The following ALDH3B2 variants were observed in gnomAD, a reference collection of about 807,000 sequenced individuals.
ALDH3B2 encodes aldehyde dehydrogenase family 3 member B2.
Under a neutral mutation model 36.7 loss-of-function variants are expected in ALDH3B2, and 45 were observed. That is an observed-to-expected ratio of 1.23 (90% CI 0.97 to 1.57). The LOEUF (loss-of-function observed/expected upper bound fraction) is 1.57, where lower values mean the gene tolerates loss of function less well. ALDH3B2 is among the 40% of genes most tolerant of loss of function. The probability of loss-of-function intolerance (pLI) is 0.00; values close to 1 mark genes in which losing one functional copy is unlikely to be tolerated. For missense variants in ALDH3B2, 464 were observed against 513.3 expected (o/e 0.90, Z 0.93); for synonymous variants, 217 against 226.5 (o/e 0.96, Z 0.38).
upstream of ALDH3B2, among the ~76,000 whole-genome samples, chr11:67,677,864 AC>A (rs1191715741): frequency 2.0e-5 from 3 of 152,310 alleles, no homozygotes; most frequent in Middle Eastern, 3.4e-3. Flanking sequence ...TAGCAAAAAA[AC>A]AAACAAAAAA....
At position 67,666,380 on chromosome 11, in the gene ALDH3B2, G is replaced by A. The variant is rs775996068; in HGVS notation, c.173C>T (p.Pro58Leu). The A allele has an allele frequency of 8.7e-6, 14 of 1,606,322 alleles. 1 individual carries two copies. In the Admixed American group the frequency reaches 1.0e-4, roughly 12 times the overall value. The change falls in exon 5 of 10, where the codon CCG becomes CTG. Residue 58 changes from proline to leucine, a missense_variant. By Grantham distance (98) the Pro-to-Leu change is moderately conservative. Transcript: ENST00000349015. ...CTCTGTGCCCTGGCTGATTTCTGAC[G>A]GCTTCAGCACCACGCAACTCCCTGC... is the stretch of plus-strand genomic sequence containing the variant.
chr11:67,663,801 T>G, intron 8 of ALDH3B2, 40 bp from the exon 9 acceptor site: 1 of 1,561,338 alleles, frequency 6.4e-7, no homozygotes. Context: ...GCTCTAGTCA[T>G]GAGAAGAGGG....
At chr11:67,678,147 C>T (rs1267710506), upstream of ALDH3B2, among the ~76,000 whole-genome samples, 1 of 152,068 alleles carries the variant, frequency 6.6e-6, no homozygotes, top group East Asian at 1.9e-4. Context: ...AAAAAAGAGC[C>T]CGCACAGCAA....
At chr11:67,677,581 ATAT>A (rs1316255811), upstream of ALDH3B2, among the ~76,000 whole-genome samples, 1 of 152,186 alleles carries the variant, frequency 6.6e-6, no homozygotes, top group East Asian at 1.9e-4. Flanking sequence ...CCTCTTCAAC[ATAT>A]TACTGGCAGT....
chr11:67,670,137 T>G, intron 1 of ALDH3B2, among the ~76,000 whole-genome samples: 1 of 87,208 alleles, frequency 1.1e-5, no homozygotes, highest in Non-Finnish European at 2.4e-5. Flanking sequence ...TGTGTATGGG[T>G]GTCTGTGTGT....
intron 6 of ALDH3B2, 120 bp from the exon 7 acceptor site, chr11:67,665,791 G>C: frequency 1.4e-6 from 2 of 1,420,406 alleles, no homozygotes; most frequent in Non-Finnish European, 1.9e-6. Flanking sequence ...TAGGGACATG[G>C]TGAGGAGACC....
Position 67,662,985 on chromosome 11 carries a change from G to C in ALDH3B2, c.*230C>G. The C allele has an allele frequency of 7.1e-6, 4 of 560,374 alleles. 1 individual carries two copies. In the South Asian group the frequency reaches 9.3e-5, roughly 13 times the overall value. The allele number at this position is 560,374 out of a possible 1,614,324, so 34.7% of individuals were successfully genotyped here. The stretch of plus-strand genomic sequence containing the variant: ...AATTGGGGAGGGTGGGGTGAGTGAG[G>C]ACACCTGGCATGTTCTGCGGCCTCT... On this transcript the variant is annotated 3_prime_UTR_variant, in exon 10 of 10. Transcript: ENST00000349015.
chr11:67,663,079 G>T, exon 10 of ALDH3B2: 1 of 1,069,026 alleles, frequency 9.4e-7, no homozygotes, highest in South Asian at 1.5e-5. Context: ...CAGGCAGGAT[G>T]CAGTCATGTG....
exon 10 of ALDH3B2, chr11:67,663,348 GAGA>G (rs1855803467): frequency 1.2e-6 from 2 of 1,614,100 alleles, no homozygotes; most frequent in Admixed American, 1.7e-5. Flanking sequence ...GCGGTGGTGG[GAGA>G]AGGTGTCGAA....
intron 1 of ALDH3B2, among the ~76,000 whole-genome samples, chr11:67,670,271 C>T (rs1443102231): frequency 6.0e-5 from 7 of 117,142 alleles, no homozygotes; most frequent in African/African-American, 1.7e-4. Flanking sequence ...TGTGTGTCCA[C>T]GTGTGTCTGT....
At chr11:67,680,944 G>A (rs1210322161) in intron 1 of ALDH3B2, among the ~76,000 whole-genome samples, 1 of 152,158 alleles carries the variant, frequency 6.6e-6, no homozygotes, top group East Asian at 1.9e-4. Context: ...TAAGGGCAGG[G>A]TTTGAGGGAT....
chr11:67,663,470 C>A, intron 9 of ALDH3B2, 71 bp from the exon 10 acceptor site: 7 of 1,535,784 alleles, frequency 4.6e-6, no homozygotes, highest in East Asian at 2.4e-5. Context: ...CCCACTGCCC[C>A]GGCCAGGGCA....
intron 1 of ALDH3B2, among the ~76,000 whole-genome samples, chr11:67,672,909 CTTTCT>C (rs201752224): frequency 0.015 from 2,181 of 145,870 alleles, 47 homozygotes; most frequent in African/African-American, 0.052. Flanking sequence ...AACTTTCTTT[CTTTCT>C]TTTCTTTTCT....
intron 7 of ALDH3B2, among the ~76,000 whole-genome samples, chr11:67,664,895 G>C (rs1326723556): frequency 6.6e-6 from 1 of 152,222 alleles, no homozygotes; most frequent in Admixed American, 6.5e-5. Context: ...TGTCCCATGA[G>C]CTGCTGAGTC....
chr11:67,677,021 C>T (rs1409779249), upstream of ALDH3B2, among the ~76,000 whole-genome samples: 1 of 152,058 alleles, frequency 6.6e-6, no homozygotes, highest in Non-Finnish European at 1.5e-5. Context: ...TTTTACCAGA[C>T]AGTCAAAGAA....
exon 10 of ALDH3B2, chr11:67,662,911 C>A: frequency 2.4e-6 from 1 of 411,682 alleles, no homozygotes; most frequent in South Asian, 3.0e-5. Flanking sequence ...GGTGACACTG[C>A]CCCTGTGACT....
chr11:67,668,235 C>T (rs1855973968), intron 1 of ALDH3B2, among the ~76,000 whole-genome samples: 1 of 152,100 alleles, frequency 6.6e-6, no homozygotes, highest in South Asian at 2.1e-4. Flanking sequence ...CTCTGCTGGT[C>T]GTAGAAGGAA....
At chr11:67,675,415 G>A (rs1316138017), upstream of ALDH3B2, among the ~76,000 whole-genome samples, 2 of 152,170 alleles carry the variant, frequency 1.3e-5, no homozygotes, top group African/African-American at 2.4e-5. Flanking sequence ...GCACCTTCTA[G>A]GTTCCAGGGA....
At chr11:67,666,748 C>T in intron 3 of ALDH3B2, 54 bp from the exon 4 acceptor site, 30 of 1,610,794 alleles carry the variant, frequency 1.9e-5, no homozygotes, top group Non-Finnish European at 2.5e-5. Flanking sequence ...CAAAGCCCAC[C>T]CACTGCACAC....
Sources: gnomAD v4.1 joint callset for allele counts (sites outside exome capture counted in the v4.1 genomes callset) on GRCh38, gnomAD v4.1.1 for gene constraint, MANE v1.5 for transcripts, NCBI Gene and HGNC (gene_info 2026-07-23, HGNC 2026-07-21) for gene names.